BRINP3: variants seen among roughly 807,000 people sequenced by gnomAD.
The protein encoded by BRINP3 is BMP/retinoic acid inducible neural specific 3.
BRINP3 carries 19 observed loss-of-function variants against 71.0 expected under a neutral mutation model. That is an observed-to-expected ratio of 0.27 (90% CI 0.19 to 0.39). The LOEUF (loss-of-function observed/expected upper bound fraction) is 0.39, where lower values mean the gene tolerates loss of function less well. Among genes scored for constraint, BRINP3 ranks in the 10% least tolerant of loss-of-function variants. The pLI is 1.00. For missense variants in BRINP3, 959 were observed against 940.8 expected, an observed-to-expected ratio of 1.02 and a Z score of -0.25; for synonymous variants, 380 against 337.7, an observed-to-expected ratio of 1.13 and a Z score of -1.37.
intron 2 of BRINP3, among the ~76,000 whole-genome samples, chr1:190,445,596 C>CA (rs398039061): frequency 2.0e-5 from 3 of 150,126 alleles, no homozygotes; most frequent in Admixed American, 1.3e-4. Context: ...CACACACACA[C>CA]CCTCAAGAAA....
intron 2 of BRINP3, among the ~76,000 whole-genome samples, chr1:190,337,897 T>C (rs1406931585): frequency 1.3e-5 from 2 of 152,064 alleles, no homozygotes; most frequent in African/African-American, 2.4e-5. Context: ...TTGTTCTGTG[T>C]TTTTTAAACT....
chr1:190,386,313 T>C (rs755889890), intron 2 of BRINP3, among the ~76,000 whole-genome samples: 70 of 151,000 alleles, frequency 4.6e-4, no homozygotes, highest in Non-Finnish European at 6.3e-4. Context: ...AAGTCAAAGA[T>C]ATGGGGCAAC....
At chr1:190,263,353 T>G (rs1274636201) in intron 4 of BRINP3, among the ~76,000 whole-genome samples, 1 of 152,072 alleles carries the variant, frequency 6.6e-6, no homozygotes, top group African/African-American at 2.4e-5. Context: ...AGTCCTAGAG[T>G]CAGAAGCCAA....
At chr1:190,209,514 T>G (rs1262614550) in intron 6 of BRINP3, among the ~76,000 whole-genome samples, 1 of 152,098 alleles carries the variant, frequency 6.6e-6, no homozygotes, top group Non-Finnish European at 1.5e-5. Flanking sequence ...ATACCTAACT[T>G]CAAATGTGCT....
At chr1:190,417,444 A>T (rs1233845567) in intron 2 of BRINP3, among the ~76,000 whole-genome samples, 1 of 152,156 alleles carries the variant, frequency 6.6e-6, no homozygotes, top group Admixed American at 6.5e-5. Flanking sequence ...TTTATTGTAC[A>T]GCCTTTATTC....
At position 190,226,277 on chromosome 1, in the gene BRINP3, C is replaced by A; in HGVS notation, c.766G>T (p.Val256Leu). The A allele has an allele frequency of 6.2e-7, 1 of 1,609,300 alleles. No individual in the cohort carries two copies. Among genetic ancestry groups the A allele is most frequent in the Non-Finnish European group, 8.5e-7 (1 of 1,177,524 alleles). The change falls in exon 6 of 8, where the codon GTA (valine) becomes TTA (leucine). Residue 256 changes from valine (V) to leucine (L), a missense_variant. Transcript: ENST00000367462. ...GCAATGTAGCTCAAAGCTGCTTGTA[C>A]AAAACGTTCCTGAAGATAGTCTGGG... ...LLPDYLQERF[V>L]QAALSYIACN...
chr1:190,155,141 T>C (rs1656754084), intron 7 of BRINP3, among the ~76,000 whole-genome samples: 1 of 152,106 alleles, frequency 6.6e-6, no homozygotes, highest in Non-Finnish European at 1.5e-5. Context: ...CATATATAAG[T>C]TGAAAGAGCA....
chr1:190,309,183 C>T (rs1409280489), intron 2 of BRINP3, among the ~76,000 whole-genome samples: 1 of 101,768 alleles, frequency 9.8e-6, no homozygotes, highest in African/African-American at 3.4e-5. Flanking sequence ...TGTAATAAGT[C>T]CACAATAAAA....
At chr1:190,130,806 G>C (rs77884381) in intron 7 of BRINP3, among the ~76,000 whole-genome samples, 1 of 151,770 alleles carries the variant, frequency 6.6e-6, no homozygotes, top group Non-Finnish European at 1.5e-5. Context: ...TAAAACAGGC[G>C]GTGCTTTCCC....
chr1:190,314,048 G>A (rs375877692), intron 2 of BRINP3, among the ~76,000 whole-genome samples: 2 of 151,638 alleles, frequency 1.3e-5, no homozygotes, highest in Non-Finnish European at 2.9e-5. Flanking sequence ...GTATTTTTTC[G>A]CAAAATTATC....
rs1026900200 is a variant in BRINP3 at position 190,224,061 on chromosome 1, A to G, written c.961+2021T>C. On this transcript the variant is annotated intron_variant, in intron 6 of 7. Transcript: ENST00000367462. ...TATTTAATGTTGTTAAAATGACAAT[A>G]CTACTAAAGCAATTTACGGATTCAG... Among the ~76,000 whole-genome samples, 5 of 151,866 alleles carry G rather than the reference A, an allele frequency of 3.3e-5. No individual in the cohort carries two copies. The Admixed American group carries it at 3.3e-4, about 10-fold the overall frequency.
chr1:190,368,949 A>C (rs1430183619), intron 2 of BRINP3, among the ~76,000 whole-genome samples: 1 of 152,162 alleles, frequency 6.6e-6, no homozygotes, highest in Non-Finnish European at 1.5e-5. Context: ...ACAGAAAATA[A>C]AAACTCTTTT....
intron 6 of BRINP3, among the ~76,000 whole-genome samples, chr1:190,207,876 C>T (rs1336179758): frequency 2.0e-5 from 3 of 152,024 alleles, no homozygotes; most frequent in Non-Finnish European, 4.4e-5. Context: ...AAGTTGATAG[C>T]AAATATTAAC....
intron 6 of BRINP3, among the ~76,000 whole-genome samples, chr1:190,177,114 G>C (rs1299062564): frequency 7.6e-6 from 1 of 130,862 alleles, no homozygotes; most frequent in Admixed American, 7.6e-5. Context: ...AATCTTCATG[G>C]TTTTGTTTGT....
chr1:190,414,408 T>G (rs1260006670), intron 2 of BRINP3, among the ~76,000 whole-genome samples: 1 of 152,124 alleles, frequency 6.6e-6, no homozygotes, highest in African/African-American at 2.4e-5. Flanking sequence ...GCTTAGTGAC[T>G]TCCATATGTT....
intron 7 of BRINP3, among the ~76,000 whole-genome samples, chr1:190,143,492 C>G (rs964275004): frequency 2.0e-5 from 3 of 152,104 alleles, no homozygotes; most frequent in Admixed American, 6.6e-5. Context: ...CCTGCAGGAC[C>G]AATAGTCCTT....
At chr1:190,387,932 C>A (rs912837451) in intron 2 of BRINP3, among the ~76,000 whole-genome samples, 2 of 151,528 alleles carry the variant, frequency 1.3e-5, no homozygotes, top group Non-Finnish European at 2.9e-5. Flanking sequence ...TTAATAAATC[C>A]AAAATTAAAC....
intron 4 of BRINP3, among the ~76,000 whole-genome samples, chr1:190,257,995 G>C (rs1294704429): frequency 2.0e-5 from 3 of 152,194 alleles, no homozygotes; most frequent in Non-Finnish European, 4.4e-5. Flanking sequence ...CACCATGCTG[G>C]GGGAACCACT....
intron 2 of BRINP3, among the ~76,000 whole-genome samples, chr1:190,386,649 C>T (rs933585938): frequency 1.3e-5 from 2 of 151,826 alleles, no homozygotes; most frequent in African/African-American, 4.8e-5. Context: ...AGTCAGATGC[C>T]TGAGGTGATC....
Sources: gnomAD v4.1 joint callset for allele counts (sites outside exome capture counted in the v4.1 genomes callset) on GRCh38, gnomAD v4.1.1 for gene constraint, MANE v1.5 for transcripts, NCBI Gene and HGNC (gene_info 2026-07-23, HGNC 2026-07-21) for gene names.